The following ZCCHC14 variants were observed in gnomAD, a reference collection of about 807,000 sequenced individuals.
ZCCHC14 encodes the protein zinc finger CCHC domain-containing protein 14.
ZCCHC14 carries 16 observed loss-of-function variants against 85.0 expected under a neutral mutation model. The observed-to-expected ratio is 0.19, with a 90% CI of 0.13 to 0.29. ZCCHC14 has a LOEUF of 0.29. ZCCHC14 is among the 10% of genes least tolerant of loss of function. The pLI, the probability that ZCCHC14 is intolerant of heterozygous loss-of-function variation, is 1.00. For missense variants in ZCCHC14, 1,303 were observed against 1,443.5 expected, an observed-to-expected ratio of 0.90 and a Z score of 1.58; for synonymous variants, 775 against 630.7, an observed-to-expected ratio of 1.23 and a Z score of -3.43.
At chr16:87,459,459 C>T (rs576594757) in intron 2 of ZCCHC14, among the ~76,000 whole-genome samples, 2 of 152,068 alleles carry the variant, frequency 1.3e-5, no homozygotes, top group South Asian at 4.2e-4. Flanking sequence ...ATTCTCCTGC[C>T]TCAGCCTCTC....
At chr16:87,485,381 TC>T (rs1368963599) in intron 1 of ZCCHC14, among the ~76,000 whole-genome samples, 2 of 152,194 alleles carry the variant, frequency 1.3e-5, no homozygotes, top group Admixed American at 1.3e-4. Flanking sequence ...AGGAAATGTT[TC>T]TACAATGTGT....
rs193029802 is a variant in ZCCHC14 at position 87,478,172 on chromosome 16, T to C, written c.570+13497A>G. 7.2e-4 allele frequency among the ~76,000 whole-genome samples: 109 copies of C among 152,304 alleles called. 1 individual carries two copies. The highest frequency in any genetic ancestry group is 1.9e-3 in the Admixed American group (29 of 15,294). ...ACCTATTTAAAAAACAACCCACACATATAAGTGCTTTGAGAAATGACACAC... is the reference window on the plus strand; with the variant it reads ...ACCTATTTAAAAAACAACCCACACACATAAGTGCTTTGAGAAATGACACAC... On this transcript the variant is annotated intron_variant, in intron 1 of 12. Coordinates refer to ENST00000671377, the MANE Select transcript of ZCCHC14 (RefSeq NM_015144.3).
intron 6 of ZCCHC14, 47 bp downstream of exon 6, chr16:87,419,736 G>C: frequency 8.9e-7 from 1 of 1,119,454 alleles, no homozygotes; most frequent in Non-Finnish European, 1.2e-6. Flanking sequence ...GCGCCCAGCT[G>C]TTTTTTTTTT....
At chr16:87,433,049 A>G (rs1909740811) in intron 3 of ZCCHC14, 79 bp downstream of exon 3, 1 of 1,460,654 alleles carries the variant, frequency 6.8e-7, no homozygotes, top group African/African-American at 1.4e-5. Flanking sequence ...AGCCTTAGCT[A>G]GGAAGGAAAA....
At chr16:87,417,349 C>T (rs770976240) in intron 8 of ZCCHC14, 111 bp downstream of exon 8, 141 of 1,475,678 alleles carry the variant, frequency 9.6e-5, no homozygotes, top group Non-Finnish European at 1.2e-4. Context: ...CGCTGCGCCT[C>T]GGCCTCCGTA....
intron 9 of ZCCHC14, 39 bp downstream of exon 9, chr16:87,415,237 G>A (rs1394500392): frequency 1.3e-6 from 2 of 1,594,210 alleles, no homozygotes; most frequent in Admixed American, 3.3e-5. Flanking sequence ...CACGAGAAAT[G>A]GAAATAAACA....
chr16:87,485,793 T>G (rs1399492162), intron 1 of ZCCHC14, among the ~76,000 whole-genome samples: 1 of 152,150 alleles, frequency 6.6e-6, no homozygotes, highest in Non-Finnish European at 1.5e-5. Context: ...TTAAGACTCA[T>G]GTAGATTTGT....
chr16:87,481,194 T>G (rs1415276694), intron 1 of ZCCHC14, among the ~76,000 whole-genome samples: 2 of 152,130 alleles, frequency 1.3e-5, no homozygotes, highest in African/African-American at 4.8e-5. Context: ...AGGCTAGACC[T>G]AGGTCAAGGT....
chr16:87,411,945 T>C lies in ZCCHC14; in HGVS notation c.2776A>G (p.Thr926Ala). ...CAGCTGCCGCTGCAGCCACAGGACG[T>C]GCACACAATGCAGCCTGGCGGGGGT... ...APPPPGCIVC[T>A]SCGCSGSCGS... The change falls in exon 12 of 13, where the codon ACG becomes GCG. Residue 926 changes from threonine to alanine, a missense_variant. Physicochemically the swap from Thr to Ala is moderately conservative, Grantham distance 58. Around this residue, in one of 7 missense-constraint regions of ZCCHC14, gnomAD observed 797 missense variants for 730.8 expected, o/e 1.09. Transcript: ENST00000671377. 1.2e-6 allele frequency: 2 copies of C among 1,606,410 alleles called. No homozygotes were observed. Among genetic ancestry groups the C allele is most frequent in the Non-Finnish European group, 1.7e-6 (2 of 1,177,466 alleles).
intron 9 of ZCCHC14, among the ~76,000 whole-genome samples, 155 bp downstream of exon 9, chr16:87,415,121 T>A (rs1002126235): frequency 6.6e-6 from 1 of 151,966 alleles, no homozygotes; most frequent in Non-Finnish European, 1.5e-5. Flanking sequence ...TCTCAAAAAA[T>A]AAATAAATAA....
rs1157472396 is a variant in ZCCHC14, at chr16:87,408,526, A to G, written c.*1754T>C. On this transcript the variant is annotated 3_prime_UTR_variant, in exon 13 of 13. Coordinates refer to ENST00000671377, the MANE Select transcript of ZCCHC14 (RefSeq NM_015144.3). ...GTTTACAATTTAAGAGATCAACGTAACATTCCCCTAAATAGCTGTTGTAAT... is the reference window on the plus strand; with the variant it reads ...GTTTACAATTTAAGAGATCAACGTAGCATTCCCCTAAATAGCTGTTGTAAT... The G allele has an allele frequency of 1.3e-5, 2 of 152,608 alleles. No homozygotes were observed. The highest frequency in any genetic ancestry group is 2.9e-5 in the Non-Finnish European group (2 of 68,042). 9.5% of individuals were successfully genotyped at this position (152,608 alleles called of 1,614,324 possible). A position where few individuals can be genotyped will look rare whatever the true frequency, so the allele number is the denominator to read the frequency against.
chr16:87,444,448 A>G (rs1007806996), intron 2 of ZCCHC14, among the ~76,000 whole-genome samples: 4 of 152,222 alleles, frequency 2.6e-5, no homozygotes, highest in African/African-American at 9.7e-5. Flanking sequence ...AAACTTAAAT[A>G]AATGATTAAG....
At chr16:87,430,737 G>C (rs1162171064) in intron 3 of ZCCHC14, among the ~76,000 whole-genome samples, 4 of 152,034 alleles carry the variant, frequency 2.6e-5, no homozygotes, top group Non-Finnish European at 5.9e-5. Flanking sequence ...GGCTAGGCTG[G>C]TCTTGAACTC....
intron 1 of ZCCHC14, among the ~76,000 whole-genome samples, chr16:87,481,546 GGGGGGGAAGGGT>G: frequency 1.7e-5 from 1 of 59,128 alleles, no homozygotes; most frequent in Non-Finnish European, 4.1e-5. Flanking sequence ...GGGGGGTGGG[GGGGGGGAAGGGT>G]AAGCGGGAGG....
At chr16:87,430,618 T>G (rs572853499) in intron 3 of ZCCHC14, among the ~76,000 whole-genome samples, 1 of 151,516 alleles carries the variant, frequency 6.6e-6, no homozygotes, top group South Asian at 2.1e-4. Context: ...GCCTCCCAGG[T>G]TCAAGCGATT....
chr16:87,482,919 T>C lies in ZCCHC14; in HGVS notation c.570+8750A>G, dbSNP rs74041437. ...TGTCTTCAGAATGTACGGGGCGTCATGTGTATTATGTATGCACAATACATG... is the reference window on the plus strand; with the variant it reads ...TGTCTTCAGAATGTACGGGGCGTCACGTGTATTATGTATGCACAATACATG... On this transcript the variant is annotated intron_variant, in intron 1 of 12. Coordinates refer to ENST00000671377, the MANE Select transcript of ZCCHC14 (RefSeq NM_015144.3). Among the ~76,000 whole-genome samples the C allele has an allele frequency of 6.0e-3, 910 of 152,262 alleles. 12 individuals carry two copies. Among genetic ancestry groups the C allele is most frequent in the African/African-American group, 0.021 (868 of 41,540 alleles).
At chr16:87,429,896 C>T (rs538559927) in intron 3 of ZCCHC14, among the ~76,000 whole-genome samples, 221 of 152,208 alleles carry the variant, frequency 1.5e-3, no homozygotes, top group African/African-American at 5.2e-3. Flanking sequence ...CGTGAGCCAC[C>T]GCGCCCAGCC....
chr16:87,427,589 G>A (rs1176583107), intron 3 of ZCCHC14, among the ~76,000 whole-genome samples: 2 of 152,092 alleles, frequency 1.3e-5, no homozygotes, highest in East Asian at 1.9e-4. Context: ...TAACGTCTGG[G>A]TGACTTTAAA....
At chr16:87,450,524 A>C (rs1910645498) in intron 2 of ZCCHC14, among the ~76,000 whole-genome samples, 1 of 152,068 alleles carries the variant, frequency 6.6e-6, no homozygotes, top group Non-Finnish European at 1.5e-5. Context: ...AAAGAGAAAC[A>C]AAAGTAGTGA....
Sources: gnomAD v4.1 joint callset for allele counts (sites outside exome capture counted in the v4.1 genomes callset) on GRCh38, gnomAD v4.1.1 for gene constraint, gnomAD v4.1.1 regional missense constraint, MANE v1.5 for transcripts, NCBI Gene and HGNC (gene_info 2026-07-23, HGNC 2026-07-21) for gene names.